RUNX2: variants seen among roughly 807,000 people sequenced by gnomAD.
RUNX2 encodes RUNX family transcription factor 2.
In RUNX2, 10 loss-of-function variants were observed where a neutral mutation model predicts 51.7. The observed-to-expected ratio is 0.19, with a 90% CI of 0.12 to 0.33. The LOEUF (loss-of-function observed/expected upper bound fraction) is 0.33, where lower values mean the gene tolerates loss of function less well. Ranked by LOEUF, RUNX2 falls within the 10% of genes least tolerant of loss-of-function variation. The probability of loss-of-function intolerance (pLI) is 1.00; values close to 1 mark genes in which losing one functional copy is unlikely to be tolerated. For missense variants in RUNX2, 562 were observed against 691.3 expected (o/e 0.81, Z 2.10); for synonymous variants, 276 against 273.6 (o/e 1.01, Z -0.09).
Position 45,507,433 on chromosome 6 carries a change from A to G in RUNX2, c.860-4813A>G, listed in dbSNP as rs538805255. ...AATCTCAGAAGTCTCAGGTTTCTTC[A>G]GGAAGTTGAGTTCAGAAATTGTTTA... is the stretch of plus-strand genomic sequence containing the variant. On this transcript the variant is annotated intron_variant, in intron 6 of 8. Coordinates refer to ENST00000647337, the MANE Select transcript of RUNX2 (RefSeq NM_001024630.4). 2.6e-5 allele frequency among the ~76,000 whole-genome samples: 4 copies of G among 152,324 alleles called. No homozygotes were observed. The East Asian group carries it at 7.7e-4, about 29-fold the overall frequency.
intron 2 of RUNX2, among the ~76,000 whole-genome samples, chr6:45,406,922 T>A (rs186905975): frequency 3.3e-5 from 5 of 152,270 alleles, no homozygotes; most frequent in African/African-American, 1.2e-4. Context: ...ATTGCTTTAT[T>A]AAATACTGAG....
chr6:45,378,175 C>G (rs1351293499), intron 2 of RUNX2, among the ~76,000 whole-genome samples: 3 of 152,080 alleles, frequency 2.0e-5, no homozygotes, highest in Admixed American at 2.0e-4. Context: ...AGCCACGCGG[C>G]GGCGTTTAGA....
At chr6:45,368,546 A>T (rs1210960011) in intron 2 of RUNX2, among the ~76,000 whole-genome samples, 3 of 152,176 alleles carry the variant, frequency 2.0e-5, no homozygotes, top group Non-Finnish European at 4.4e-5. Flanking sequence ...GGGGGACTAA[A>T]TGACCACAGA....
chr6:45,386,015 C>T (rs1401509728), intron 2 of RUNX2, among the ~76,000 whole-genome samples: 1 of 151,706 alleles, frequency 6.6e-6, no homozygotes, highest in African/African-American at 2.4e-5. Context: ...TTCTTAGATT[C>T]CAGCAGGCTC....
chr6:45,376,056 G>A (rs1796733620), intron 2 of RUNX2, among the ~76,000 whole-genome samples: 1 of 152,156 alleles, frequency 6.6e-6, no homozygotes, highest in South Asian at 2.1e-4. Context: ...AACCAAAGTG[G>A]TAAAAGATAG....
chr6:45,515,803 G>A (rs569231920), intron 7 of RUNX2, among the ~76,000 whole-genome samples: 3 of 152,050 alleles, frequency 2.0e-5, no homozygotes, highest in Non-Finnish European at 2.9e-5. Context: ...AGAAAATAAC[G>A]ATTCAATTAT....
chr6:45,346,813 C>T, intron 2 of RUNX2, among the ~76,000 whole-genome samples: 1 of 152,112 alleles, frequency 6.6e-6, no homozygotes. Flanking sequence ...GATTCGCCCA[C>T]CTTGGCCCCC....
intron 3 of RUNX2, 132 bp downstream of exon 3, chr6:45,423,089 C>A (rs907794146): frequency 1.7e-6 from 2 of 1,165,852 alleles, no homozygotes; most frequent in Non-Finnish European, 2.2e-6. Context: ...ACCCCAGAAA[C>A]CCCCGGCCGG....
intron 5 of RUNX2, among the ~76,000 whole-genome samples, chr6:45,469,308 A>G (rs1799729906): frequency 6.6e-6 from 1 of 152,236 alleles, no homozygotes; most frequent in Non-Finnish European, 1.5e-5. Flanking sequence ...TATCGGGTAA[A>G]TGAATGGTTA....
At chr6:45,535,499 G>A (rs1038606280) in intron 7 of RUNX2, among the ~76,000 whole-genome samples, 3 of 152,046 alleles carry the variant, frequency 2.0e-5, no homozygotes, top group Non-Finnish European at 4.4e-5. Flanking sequence ...AGCTACTGGG[G>A]AGGCTGAGGC....
intron 5 of RUNX2, among the ~76,000 whole-genome samples, chr6:45,459,830 G>A (rs554723912): frequency 6.6e-6 from 1 of 152,188 alleles, no homozygotes; most frequent in African/African-American, 2.4e-5. Context: ...GGTCAGTCAG[G>A]CCTTGCTGAT....
At chr6:45,440,076 C>T (rs1798798822) in intron 5 of RUNX2, among the ~76,000 whole-genome samples, 3 of 152,102 alleles carry the variant, frequency 2.0e-5, no homozygotes, top group African/African-American at 7.2e-5. Flanking sequence ...AAGTGGTAGG[C>T]CACCTGCCCT....
chr6:45,449,098 A>C (rs1191955684), intron 5 of RUNX2, among the ~76,000 whole-genome samples: 1 of 152,208 alleles, frequency 6.6e-6, no homozygotes. Context: ...TTTGTGTTTA[A>C]GAGGTGGATT....
intron 5 of RUNX2, among the ~76,000 whole-genome samples, chr6:45,446,424 T>C (rs1241746818): frequency 6.6e-6 from 1 of 152,196 alleles, no homozygotes. Context: ...CAGAGATCAT[T>C]CATTCTGAAA....
chr6:45,373,448 G>A (rs771179602), intron 2 of RUNX2, among the ~76,000 whole-genome samples: 9 of 152,102 alleles, frequency 5.9e-5, no homozygotes, highest in Non-Finnish European at 1.2e-4. Flanking sequence ...CCAAGAAAAT[G>A]TTGGTTCTCC....
At position 45,512,327 on chromosome 6, in the gene RUNX2, C is replaced by T. The variant is rs1451478006; in HGVS notation, c.941C>T (p.Ser314Phe). ...TACCTGAGCCAGATGACGTCCCCGT[C>T]CATCCACTCTACCACCCCGCTGTCT... ...PSYLSQMTSPSIHSTTPLSST... is the reference protein window; with the variant it reads ...PSYLSQMTSPFIHSTTPLSST... Residue 314 changes from serine (S) to phenylalanine (F), a missense_variant, in exon 7 of 9, where the codon TCC (serine) becomes TTC (phenylalanine). This residue lies in a region of RUNX2 where 304 missense variants were observed against 353.2 expected (regional missense o/e 0.86). Transcript: ENST00000647337. The T allele has an allele frequency of 6.2e-7, 1 of 1,614,152 alleles. No individual in the cohort carries two copies. The highest frequency in any genetic ancestry group is 8.5e-7 in the Non-Finnish European group (1 of 1,180,008).
chr6:45,544,844 C>G (rs1802346252), intron 7 of RUNX2, among the ~76,000 whole-genome samples: 1 of 152,214 alleles, frequency 6.6e-6, no homozygotes. Flanking sequence ...GGAGCATCTG[C>G]TCCCATTTCT....
intron 2 of RUNX2, among the ~76,000 whole-genome samples, chr6:45,376,248 G>A (rs1183067772): frequency 2.6e-5 from 4 of 152,148 alleles, no homozygotes; most frequent in African/African-American, 9.7e-5. Context: ...TTGAATGAAA[G>A]GCATTATTTG....
chr6:45,540,182 T>C (rs1036784457), intron 7 of RUNX2, among the ~76,000 whole-genome samples: 1 of 152,214 alleles, frequency 6.6e-6, no homozygotes, highest in Non-Finnish European at 1.5e-5. Flanking sequence ...GGACTCTGAA[T>C]ATGCCCATAG....
Sources: gnomAD v4.1 joint callset for allele counts (sites outside exome capture counted in the v4.1 genomes callset) on GRCh38, gnomAD v4.1.1 for gene constraint, gnomAD v4.1.1 regional missense constraint, MANE v1.5 for transcripts, NCBI Gene and HGNC (gene_info 2026-07-23, HGNC 2026-07-21) for gene names.